The following KCNG3 variants were observed in gnomAD, a reference collection of about 807,000 sequenced individuals.
The protein encoded by KCNG3 is potassium voltage-gated channel modifier subfamily G member 3, also known as voltage-gated potassium channel regulatory subunit KCNG3.
KCNG3 carries 15 observed loss-of-function variants against 29.0 expected under a neutral mutation model. The observed-to-expected ratio is 0.52, with a 90% CI of 0.35 to 0.80. The LOEUF (loss-of-function observed/expected upper bound fraction) is 0.80. KCNG3 is among the 30% of genes least tolerant of loss of function. The probability of loss-of-function intolerance (pLI) is 0.01; values close to 1 mark genes in which losing one functional copy is unlikely to be tolerated. For missense variants in KCNG3, 512 were observed against 605.7 expected, an observed-to-expected ratio of 0.85 and a Z score of 1.62; for synonymous variants, 322 against 248.9, an observed-to-expected ratio of 1.29 and a Z score of -2.76.
At chr2:42,409,142 T>A in the KCNG3 span, among the ~76,000 whole-genome samples, 2 of 152,000 alleles carry the variant, frequency 1.3e-5, 1 homozygote, top group Admixed American at 1.3e-4. Context: ...CTTGGTGGTG[T>A]GGGATCCAGG....
the KCNG3 span, among the ~76,000 whole-genome samples, chr2:42,413,363 T>C: frequency 6.6e-6 from 1 of 152,200 alleles, no homozygotes; most frequent in Non-Finnish European, 1.5e-5. Context: ...AATAGCAATA[T>C]ACTAATAGTG....
the KCNG3 span, among the ~76,000 whole-genome samples, chr2:42,396,814 A>G: frequency 6.6e-6 from 1 of 152,228 alleles, no homozygotes; most frequent in Non-Finnish European, 1.5e-5. Context: ...GGTCAGGCAC[A>G]TGCTGTAACC....
chr2:42,429,811 C>A, the KCNG3 span, among the ~76,000 whole-genome samples: 4 of 152,054 alleles, frequency 2.6e-5, no homozygotes, highest in African/African-American at 9.7e-5. Context: ...ACCAGTGGAC[C>A]TCGAGTAGAG....
At chr2:42,396,092 T>C in the KCNG3 span, among the ~76,000 whole-genome samples, 3 of 152,240 alleles carry the variant, frequency 2.0e-5, no homozygotes, top group Non-Finnish European at 4.4e-5. Context: ...TATTTTATAA[T>C]AAAGCATTGA....
intron 1 of KCNG3, among the ~76,000 whole-genome samples, chr2:42,459,957 T>TAG (rs1196653292): frequency 7.4e-6 from 1 of 135,032 alleles, no homozygotes; most frequent in African/African-American, 2.8e-5. Context: ...GCCTGGGCAA[T>TAG]AGAGAGAGAC....
the KCNG3 span, among the ~76,000 whole-genome samples, chr2:42,428,450 C>A: frequency 1.8e-5 from 2 of 114,118 alleles, no homozygotes; most frequent in African/African-American, 6.9e-5. Flanking sequence ...GAGAGAGACC[C>A]GGTCTCGGGA....
At chr2:42,434,273 G>A in the KCNG3 span, among the ~76,000 whole-genome samples, 3 of 151,810 alleles carry the variant, frequency 2.0e-5, no homozygotes, top group Non-Finnish European at 4.4e-5. Context: ...GCAACACAGG[G>A]AGACCCTATC....
At chr2:42,447,885 T>C (rs1672642396) in intron 1 of KCNG3, among the ~76,000 whole-genome samples, 1 of 152,154 alleles carries the variant, frequency 6.6e-6, no homozygotes, top group Non-Finnish European at 1.5e-5. Context: ...ATCTGTAGAA[T>C]AAATCTGAGA....
chr2:42,438,278 C>T (rs1368848789), downstream of KCNG3, among the ~76,000 whole-genome samples: 4 of 152,130 alleles, frequency 2.6e-5, no homozygotes, highest in African/African-American at 9.7e-5. Context: ...CCAATACACA[C>T]TACAAACTGC....
chr2:42,488,235 T>C (rs1036408590), intron 1 of KCNG3, among the ~76,000 whole-genome samples: 2 of 152,224 alleles, frequency 1.3e-5, no homozygotes, highest in East Asian at 1.9e-4. Flanking sequence ...TTCTAAAATA[T>C]TGCTTTGGAA....
At chr2:42,427,002 T>C in the KCNG3 span, among the ~76,000 whole-genome samples, 2 of 152,252 alleles carry the variant, frequency 1.3e-5, no homozygotes, top group South Asian at 2.1e-4. Flanking sequence ...GTACTTAATA[T>C]ATTTTACCCA....
At chr2:42,471,106 C>A (rs745308506) in intron 1 of KCNG3, among the ~76,000 whole-genome samples, 1 of 151,262 alleles carries the variant, frequency 6.6e-6, no homozygotes, top group Non-Finnish European at 1.5e-5. Context: ...GAGCTATGAT[C>A]GTGCCACTGA....
At chr2:42,472,833 T>C (rs1673322035) in intron 1 of KCNG3, among the ~76,000 whole-genome samples, 1 of 148,598 alleles carries the variant, frequency 6.7e-6, no homozygotes. Context: ...GATATCTATA[T>C]ATAGATATCT....
Position 42,444,678 on chromosome 2 carries a change from G to T in KCNG3, c.666-99C>A. 9.1e-7 allele frequency: 1 copy of T among 1,101,138 alleles called. No individual in the cohort carries two copies. The highest frequency in any genetic ancestry group is 1.3e-6 in the Non-Finnish European group (1 of 768,204). 68.2% of individuals were successfully genotyped at this position (1,101,138 alleles called of 1,614,324 possible). A position where few individuals can be genotyped will look rare whatever the true frequency, so the allele number is the denominator to read the frequency against. On this transcript the variant is annotated intron_variant, in intron 1 of 1. Coordinates refer to ENST00000306078, the MANE Select transcript of KCNG3 (RefSeq NM_133329.6). The surrounding 1 kb of genome is among the most constrained non-coding windows in gnomAD (Gnocchi z 5.8). ...AGTACTACACTGACATACTAATTCA[G>T]TTACTTTTCCAGAAAACATAAAGAA...
chr2:42,425,395 T>C, the KCNG3 span, among the ~76,000 whole-genome samples: 1 of 109,196 alleles, frequency 9.2e-6, no homozygotes, highest in South Asian at 2.7e-4. Context: ...CAAGACTCCG[T>C]CTCAAAAAAA....
the KCNG3 span, among the ~76,000 whole-genome samples, chr2:42,413,346 G>A: frequency 6.6e-6 from 1 of 151,974 alleles, no homozygotes; most frequent in South Asian, 2.1e-4. Context: ...TTTTAATAGA[G>A]GAATTTAATA....
the KCNG3 span, among the ~76,000 whole-genome samples, chr2:42,423,648 C>T: frequency 3.9e-5 from 6 of 152,276 alleles, no homozygotes; most frequent in East Asian, 1.9e-4. Flanking sequence ...CTGTCTTCTG[C>T]GATCTCACAG....
downstream of KCNG3, among the ~76,000 whole-genome samples, chr2:42,441,104 G>T (rs1165861180): frequency 6.6e-6 from 1 of 152,202 alleles, no homozygotes; most frequent in Non-Finnish European, 1.5e-5. Flanking sequence ...CAACAGGCCA[G>T]GCACAGTGTC....
At chr2:42,447,245 CAT>C (rs1467363498) in intron 1 of KCNG3, among the ~76,000 whole-genome samples, 1 of 151,582 alleles carries the variant, frequency 6.6e-6, no homozygotes, top group South Asian at 2.1e-4. Flanking sequence ...TTTTTACTTA[CAT>C]GTGTATATAT....
Sources: allele counts gnomAD v4.1 joint callset (sites outside exome capture counted in the v4.1 genomes callset), GRCh38; gene constraint gnomAD v4.1.1; non-coding constraint Gnocchi (gnomAD v3.1); transcripts MANE v1.5; gene names NCBI Gene and HGNC (gene_info 2026-07-23, HGNC 2026-07-21).